The following BRD9 variants were observed in gnomAD, a reference collection of about 807,000 sequenced individuals.
BRD9 encodes the protein bromodomain-containing protein 9.
In BRD9, 47 loss-of-function variants were observed where a neutral mutation model predicts 68.7. That is an observed-to-expected ratio of 0.68 (90% CI 0.54 to 0.87). The LOEUF is 0.87. Among genes scored for constraint, BRD9 ranks in the 40% least tolerant of loss-of-function variants. The probability of loss-of-function intolerance (pLI) is 0.00; values close to 1 mark genes in which losing one functional copy is unlikely to be tolerated. For missense variants in BRD9, 670 were observed against 748.4 expected (o/e 0.90, Z 1.22); for synonymous variants, 313 against 293.9 (o/e 1.06, Z -0.67).
At chr5:874,078 A>G (rs879507468) in intron 12 of BRD9, among the ~76,000 whole-genome samples, 4 of 152,232 alleles carry the variant, frequency 2.6e-5, no homozygotes, top group African/African-American at 4.8e-5. Context: ...CCCAGCAGAC[A>G]TAACGCGAGC....
At chr5:891,421 G>C in intron 2 of BRD9, 134 bp from the exon 3 acceptor site, 1 of 1,380,338 alleles carries the variant, frequency 7.2e-7, no homozygotes, top group African/African-American at 1.5e-5. Flanking sequence ...CTCATGCCAG[G>C]CTCCCTCCTC....
At chr5:886,941 A>C (rs1752660637) in intron 6 of BRD9, 1 of 634,030 alleles carries the variant, frequency 1.6e-6, no homozygotes, top group Non-Finnish European at 2.6e-6. Flanking sequence ...AGAGCGCGGC[A>C]GGTGCCGCAC....
At chr5:882,700 C>T (rs1751954947) in intron 8 of BRD9, among the ~76,000 whole-genome samples, 1 of 151,680 alleles carries the variant, frequency 6.6e-6, no homozygotes, top group Non-Finnish European at 1.5e-5. Flanking sequence ...CCCACAACCT[C>T]CCAACACATA....
intron 10 of BRD9, 157 bp from the exon 11 acceptor site, chr5:878,644 T>C (rs1751363459): frequency 1.0e-6 from 1 of 978,588 alleles, no homozygotes. Context: ...TCCTGAGTTT[T>C]CCATGTGTAA....
chr5:889,215 A>T, intron 4 of BRD9, 50 bp from the exon 5 acceptor site: 1 of 1,565,980 alleles, frequency 6.4e-7, no homozygotes, highest in Admixed American at 2.0e-5. Context: ...TCTAAATGAT[A>T]CAAAATCTCT....
Position 870,493 on chromosome 5 carries a change from A to C in BRD9, c.1505T>G (p.Ile502Ser), listed in dbSNP as rs1173440826. The C allele has an allele frequency of 6.2e-7, 1 of 1,614,014 alleles. No individual in the cohort carries two copies. Among genetic ancestry groups the C allele is most frequent in the Non-Finnish European group, 8.5e-7 (1 of 1,179,846 alleles). Reference protein sequence around the residue: ...MKSYPDVSVDISMLSSLGKVK... With the variant: ...MKSYPDVSVDSSMLSSLGKVK... ...CTCACCCAGAGAGCTGAGCATGGAG[A>C]TATCCACAGAAACGTCGGGATAGGA... The change falls in exon 14 of 16, where the codon ATC becomes AGC. Residue 502 changes from isoleucine (I) to serine (S), a missense_variant. Around this residue, in one of 5 missense-constraint regions of BRD9, gnomAD observed 280 missense variants for 281.5 expected, o/e 0.99. Transcript: ENST00000467963.
At chr5:886,297 G>T (rs1050667241) in intron 7 of BRD9, among the ~76,000 whole-genome samples, 8 of 152,256 alleles carry the variant, frequency 5.3e-5, no homozygotes, top group African/African-American at 1.7e-4. Context: ...TGCAGGGGAG[G>T]GAGGGGCCAA....
chr5:866,754 AG>A (rs1338975040), intron 14 of BRD9, among the ~76,000 whole-genome samples: 2 of 152,210 alleles, frequency 1.3e-5, no homozygotes, highest in Non-Finnish European at 2.9e-5. Context: ...TAAGCACTAA[AG>A]CATTCAAGAG....
intron 13 of BRD9, 149 bp downstream of exon 13, chr5:871,374 AGAG>A (rs1296604768): frequency 1.8e-5 from 13 of 724,586 alleles, no homozygotes; most frequent in Admixed American, 4.3e-5. Flanking sequence ...AGTCATGAAA[AGAG>A]GAGGAGAAAC....
intron 9 of BRD9, 41 bp downstream of exon 9, chr5:881,066 G>A: frequency 6.3e-7 from 1 of 1,595,128 alleles, no homozygotes; most frequent in East Asian, 2.2e-5. Flanking sequence ...CCAAAAAGCA[G>A]TGTACGGAGA....
intron 7 of BRD9, among the ~76,000 whole-genome samples, chr5:884,369 T>C (rs1752247761): frequency 6.6e-6 from 1 of 152,226 alleles, no homozygotes; most frequent in Non-Finnish European, 1.5e-5. Context: ...AAGTAACAGA[T>C]GCCCACACTG....
At chr5:868,664 G>A (rs1320091271) in intron 14 of BRD9, 2 of 152,288 alleles carry the variant, frequency 1.3e-5, no homozygotes, top group Admixed American at 6.5e-5. Context: ...CTTCCCTGGT[G>A]GGCATTTCAC....
At chr5:876,041 T>C in intron 12 of BRD9, 60 bp downstream of exon 12, 1 of 1,229,478 alleles carries the variant, frequency 8.1e-7, no homozygotes, top group Non-Finnish European at 1.2e-6. Context: ...CTGCAGGCTC[T>C]TCCCGCCAGC....
intron 5 of BRD9, among the ~76,000 whole-genome samples, chr5:887,672 T>G (rs1351355542): frequency 6.6e-6 from 1 of 152,240 alleles, no homozygotes; most frequent in Non-Finnish European, 1.5e-5. Flanking sequence ...TGAAAAATAT[T>G]ACAGCAAACA....
chr5:891,120 G>C (rs1340703566), intron 3 of BRD9, 35 bp downstream of exon 3: 2 of 1,523,038 alleles, frequency 1.3e-6, no homozygotes, highest in Admixed American at 4.1e-5. Context: ...GATGAGCTGT[G>C]AACACCAGGA....
At chr5:891,459 G>A in intron 2 of BRD9, 172 bp from the exon 3 acceptor site, 1 of 1,307,964 alleles carries the variant, frequency 7.6e-7, no homozygotes, top group East Asian at 2.5e-5. Context: ...GTCTGCTGAG[G>A]AACAGCACAC....
chr5:885,831 C>T (rs1281768284), intron 7 of BRD9, among the ~76,000 whole-genome samples: 3 of 152,348 alleles, frequency 2.0e-5, no homozygotes, highest in South Asian at 4.1e-4. Flanking sequence ...TGGCGATACT[C>T]TCGCTTTGTT....
chr5:865,295 C>T, intron 15 of BRD9, 119 bp downstream of exon 15: 1 of 1,342,384 alleles, frequency 7.4e-7, no homozygotes, highest in Non-Finnish European at 1.0e-6. Context: ...CACAACAGCA[C>T]CGCTGCCCAT....
chr5:891,789 T>TC lies in BRD9; in HGVS notation c.117dup (p.Thr40AspfsTer2), dbSNP rs1484602659. 1.3e-6 allele frequency: 2 copies of TC among 1,551,560 alleles called. No homozygotes were observed. The highest frequency in any genetic ancestry group is 1.7e-6 in the Non-Finnish European group (2 of 1,147,002). Reference sequence around the variant, plus strand: ...TCGTGGCCGGATCCTGAGAGTTCAGTCACTTCACTTCCTCCGACCTTCAGG... The same window carrying TC: ...TCGTGGCCGGATCCTGAGAGTTCAGTCCACTTCACTTCCTCCGACCTTCAGG... On this transcript the variant is annotated frameshift_variant, in exon 2 of 16. Coordinates refer to ENST00000467963, the MANE Select transcript of BRD9 (RefSeq NM_023924.5). LOFTEE classifies it high-confidence loss of function.
Sources: gnomAD v4.1 joint callset for allele counts (sites outside exome capture counted in the v4.1 genomes callset) on GRCh38, gnomAD v4.1.1 for gene constraint, gnomAD v4.1.1 regional missense constraint, MANE v1.5 for transcripts, NCBI Gene and HGNC (gene_info 2026-07-23, HGNC 2026-07-21) for gene names.